CSGALNACT1: variants seen among roughly 807,000 people sequenced by gnomAD.
CSGALNACT1 encodes the protein chondroitin sulfate N-acetylgalactosaminyltransferase 1.
In CSGALNACT1, 52 loss-of-function variants were observed where a neutral mutation model predicts 51.0. The ratio of observed to expected loss-of-function variants is 1.02; its 90% CI spans 0.82 to 1.29. The LOEUF is 1.29. Ranked by LOEUF, CSGALNACT1 falls within the 50% of genes most tolerant of loss-of-function variation. CSGALNACT1 has a pLI of 0.00. For synonymous variants in CSGALNACT1, 341 were observed against 254.4 expected (o/e 1.34, Z -3.24); for missense variants, 935 against 679.2 (o/e 1.38, Z -4.19).
At chr8:19,615,752 G>T (rs75034502) in intron 1 of CSGALNACT1, among the ~76,000 whole-genome samples, 223 of 152,262 alleles carry the variant, frequency 1.5e-3, no homozygotes, top group African/African-American at 5.2e-3. Flanking sequence ...AAAACAAGAA[G>T]AGGAGCAAGA....
chr8:19,545,095 T>A (rs1309415924), intron 3 of CSGALNACT1, among the ~76,000 whole-genome samples: 2 of 151,976 alleles, frequency 1.3e-5, no homozygotes, highest in Non-Finnish European at 2.9e-5. Flanking sequence ...CACAGTGAAG[T>A]CACTCCATGT....
intron 1 of CSGALNACT1, among the ~76,000 whole-genome samples, chr8:19,691,239 G>A (rs2061299697): frequency 6.6e-6 from 1 of 152,182 alleles, no homozygotes; most frequent in Admixed American, 6.5e-5. Context: ...TGAGCAAAGG[G>A]GTCAAGCTGG....
At chr8:19,466,779 C>T (rs896971932) in intron 4 of CSGALNACT1, among the ~76,000 whole-genome samples, 2 of 152,208 alleles carry the variant, frequency 1.3e-5, no homozygotes, top group African/African-American at 4.8e-5. Context: ...GCTGTCTTCA[C>T]ATGTGGGGCC....
chr8:19,716,829 T>C (rs2062840869), intron 1 of CSGALNACT1, among the ~76,000 whole-genome samples: 1 of 152,040 alleles, frequency 6.6e-6, no homozygotes, highest in Non-Finnish European at 1.5e-5. Context: ...TGCAATTTCT[T>C]ATACTTCCTT....
chr8:19,675,253 A>T (rs17128822), intron 1 of CSGALNACT1, among the ~76,000 whole-genome samples: 79,369 of 151,982 alleles, frequency 0.52, 21,319 homozygotes, highest in Middle Eastern at 0.6. Context: ...ATCAGGCAGG[A>T]TGTAGAGAGG....
intron 4 of CSGALNACT1, among the ~76,000 whole-genome samples, chr8:19,491,464 C>G (rs190883832): frequency 3.1e-4 from 47 of 152,238 alleles, no homozygotes; most frequent in African/African-American, 1.1e-3. Flanking sequence ...ACAGTTTATG[C>G]TCTTAATACT....
intron 4 of CSGALNACT1, among the ~76,000 whole-genome samples, chr8:19,485,167 G>A (rs1042130837): frequency 6.6e-6 from 1 of 152,056 alleles, no homozygotes; most frequent in African/African-American, 2.4e-5. Context: ...TTCTGTAAGT[G>A]TATTTATTTT....
chr8:19,437,222 G>C (rs1426626566), intron 6 of CSGALNACT1, among the ~76,000 whole-genome samples: 1 of 152,166 alleles, frequency 6.6e-6, no homozygotes, highest in Admixed American at 6.5e-5. Flanking sequence ...GGGAACTTAG[G>C]TGGGGAGTGA....
At chr8:19,574,796 C>G (rs1347471867) in intron 3 of CSGALNACT1, among the ~76,000 whole-genome samples, 1 of 152,142 alleles carries the variant, frequency 6.6e-6, no homozygotes, top group Admixed American at 6.5e-5. Context: ...CTTTGGGAGG[C>G]TGAAACGGGC....
exon 3 of CSGALNACT1, chr8:19,591,247 CCCA>C (rs2047757745): frequency 6.6e-6 from 1 of 152,188 alleles, no homozygotes; most frequent in Admixed American, 6.5e-5. Context: ...TGGTCAGCTC[CCCA>C]CATTTTATGC....
chr8:19,481,843 A>G (rs2071484284), intron 4 of CSGALNACT1, among the ~76,000 whole-genome samples: 1 of 152,224 alleles, frequency 6.6e-6, no homozygotes, highest in Non-Finnish European at 1.5e-5. Flanking sequence ...GTGCAAAGCT[A>G]AAACTTATGG....
At chr8:19,699,542 G>A (rs893937727) in intron 1 of CSGALNACT1, among the ~76,000 whole-genome samples, 1 of 152,174 alleles carries the variant, frequency 6.6e-6, no homozygotes, top group South Asian at 2.1e-4. Flanking sequence ...ATCACTAAAG[G>A]GCAAAAATTA....
chr8:19,667,370 A>G (rs1422541438), intron 1 of CSGALNACT1, among the ~76,000 whole-genome samples: 1 of 151,832 alleles, frequency 6.6e-6, no homozygotes, highest in Non-Finnish European at 1.5e-5. Context: ...CAGGAGGTTG[A>G]GGCTGAAGTG....
intron 3 of CSGALNACT1, among the ~76,000 whole-genome samples, chr8:19,558,164 T>C (rs2039889851): frequency 6.6e-6 from 1 of 152,216 alleles, no homozygotes. Context: ...GAAGCTACCA[T>C]TTGATGAATG....
intron 4 of CSGALNACT1, among the ~76,000 whole-genome samples, chr8:19,465,556 C>T (rs376170419): frequency 1.2e-4 from 18 of 152,366 alleles, no homozygotes; most frequent in African/African-American, 4.3e-4. Flanking sequence ...CAGTTTCTCA[C>T]AGACACAGCC....
chr8:19,534,801 T>G (rs2083434260), intron 3 of CSGALNACT1, among the ~76,000 whole-genome samples: 2 of 152,204 alleles, frequency 1.3e-5, no homozygotes, highest in South Asian at 4.1e-4. Context: ...CATAAGCAGT[T>G]TGTTAGAACT....
chr8:19,540,828 C>T (rs1469217453), intron 3 of CSGALNACT1, among the ~76,000 whole-genome samples: 3 of 152,160 alleles, frequency 2.0e-5, no homozygotes, highest in African/African-American at 7.2e-5. Flanking sequence ...CTGGAATAAT[C>T]CCCATACATC....
chr8:19,637,160 C>T (rs1222484385), intron 1 of CSGALNACT1, among the ~76,000 whole-genome samples: 1 of 152,098 alleles, frequency 6.6e-6, no homozygotes, highest in Non-Finnish European at 1.5e-5. Context: ...GAGTGGAGAT[C>T]GCACCATTGC....
chr8:19,452,233 T>C (rs935081157), intron 5 of CSGALNACT1, among the ~76,000 whole-genome samples: 1 of 152,132 alleles, frequency 6.6e-6, no homozygotes, highest in East Asian at 1.9e-4. Context: ...GAGACACAGA[T>C]TCAGGTGAGA....
Sources: gnomAD v4.1 joint callset for allele counts (sites outside exome capture counted in the v4.1 genomes callset) on GRCh38, gnomAD v4.1.1 for gene constraint, MANE v1.5 for transcripts, NCBI Gene and HGNC (gene_info 2026-07-23, HGNC 2026-07-21) for gene names.